CACNA1E: variants seen among roughly 807,000 people sequenced by gnomAD.
The protein encoded by CACNA1E is voltage-dependent R-type calcium channel subunit alpha-1E.
A neutral mutation model predicts 259.2 loss-of-function variants in CACNA1E; 40 were observed. The ratio of observed to expected loss-of-function variants is 0.15; its 90% CI spans 0.12 to 0.20. The LOEUF (loss-of-function observed/expected upper bound fraction) is 0.20, where lower values mean the gene tolerates loss of function less well. Ranked by LOEUF, CACNA1E falls within the 10% of genes least tolerant of loss-of-function variation. CACNA1E has a pLI of 1.00. For synonymous variants in CACNA1E, 1,104 were observed against 1,138.5 expected, an observed-to-expected ratio of 0.97 and a Z score of 0.61; for missense variants, 1,874 against 3,040.1, an observed-to-expected ratio of 0.62 and a Z score of 9.02.
chr1:181,716,012 T>A, intron 9 of CACNA1E, 28 bp from the exon 10 acceptor site: 2 of 1,512,336 alleles, frequency 1.3e-6, no homozygotes, highest in Non-Finnish European at 1.8e-6. Flanking sequence ...TTGTGGCCTC[T>A]CACTGGTCTT....
chr1:181,647,935 A>C (rs1227720291), intron 6 of CACNA1E, among the ~76,000 whole-genome samples: 1 of 152,156 alleles, frequency 6.6e-6, no homozygotes. Context: ...AGGTGTGTGA[A>C]TAACCTACAG....
At chr1:181,530,663 A>G (rs1349733866) in intron 3 of CACNA1E, among the ~76,000 whole-genome samples, 1 of 152,200 alleles carries the variant, frequency 6.6e-6, no homozygotes, top group East Asian at 1.9e-4. Context: ...CATATGTGAA[A>G]ATGTCTGGTA....
chr1:181,374,966 AG>A (rs1388167968), intron 1 of CACNA1E, among the ~76,000 whole-genome samples: 7 of 152,232 alleles, frequency 4.6e-5, no homozygotes, highest in African/African-American at 1.7e-4. Flanking sequence ...TAAATATAAA[AG>A]ATACAAAAGG....
intron 1 of CACNA1E, among the ~76,000 whole-genome samples, chr1:181,359,558 G>A (rs1251594261): frequency 2.0e-5 from 3 of 152,114 alleles, no homozygotes; most frequent in Admixed American, 6.5e-5. Context: ...CATTGTAAGC[G>A]GGTGGGCTTC....
intron 39 of CACNA1E, 91 bp from the exon 40 acceptor site, chr1:181,783,588 T>C (rs1440244818): frequency 4.9e-5 from 35 of 710,086 alleles, no homozygotes; most frequent in Non-Finnish European, 7.8e-5. Context: ...CGTCTGTGCA[T>C]TTGACCTCTA....
At chr1:181,470,977 CA>C (rs2102411595) in intron 2 of CACNA1E, among the ~76,000 whole-genome samples, 1 of 152,324 alleles carries the variant, frequency 6.6e-6, no homozygotes, top group East Asian at 1.9e-4. Context: ...ACTTATTTCT[CA>C]CAGTTACGGA....
At chr1:181,546,848 T>C (rs765609110) in intron 3 of CACNA1E, among the ~76,000 whole-genome samples, 5 of 152,158 alleles carry the variant, frequency 3.3e-5, no homozygotes, top group Admixed American at 2.0e-4. Flanking sequence ...GGGTAAGAAG[T>C]AGTGACCCAG....
chr1:181,428,072 A>C (rs1032137033), intron 2 of CACNA1E, among the ~76,000 whole-genome samples: 1 of 152,048 alleles, frequency 6.6e-6, no homozygotes, highest in Non-Finnish European at 1.5e-5. Context: ...ACATGCCTTT[A>C]GGATGTGCAC....
At chr1:181,565,280 T>C (rs1467812136) in intron 3 of CACNA1E, among the ~76,000 whole-genome samples, 5 of 152,232 alleles carry the variant, frequency 3.3e-5, no homozygotes, top group Non-Finnish European at 7.4e-5. Flanking sequence ...AGGGAAATGA[T>C]GTTTCACAAA....
intron 3 of CACNA1E, among the ~76,000 whole-genome samples, chr1:181,559,037 A>G (rs1243517936): frequency 2.0e-5 from 3 of 152,230 alleles, no homozygotes; most frequent in Non-Finnish European, 4.4e-5. Flanking sequence ...TTGAAGGACT[A>G]GCGAAGCCCT....
At position 181,617,901 on chromosome 1, in the gene CACNA1E, G is replaced by A. The variant is rs966436831; in HGVS notation, c.952-33437G>A. Among the ~76,000 whole-genome samples, 9 of 152,182 alleles carry A rather than the reference G, an allele frequency of 5.9e-5. 1 individual carries two copies. Among genetic ancestry groups the A allele is most frequent in the Non-Finnish European group, 1.0e-4 (7 of 68,034 alleles). On this transcript the variant is annotated intron_variant, in intron 6 of 47. Coordinates refer to ENST00000367573, the MANE Select transcript of CACNA1E (RefSeq NM_001205293.3). The stretch of plus-strand genomic sequence containing the variant: ...CTGCTGTTTTGTCCACATTTAGCTG[G>A]GTGAGCCCCAGAGCTGAAGGAGTTT...
At chr1:181,444,125 C>T (rs1300786869) in intron 2 of CACNA1E, among the ~76,000 whole-genome samples, 1 of 152,142 alleles carries the variant, frequency 6.6e-6, no homozygotes, top group Non-Finnish European at 1.5e-5. Flanking sequence ...CTTGGTATCT[C>T]CTCCATTGTT....
chr1:181,465,847 A>C (rs1558025365), intron 2 of CACNA1E, among the ~76,000 whole-genome samples: 2 of 152,152 alleles, frequency 1.3e-5, no homozygotes, highest in African/African-American at 4.8e-5. Flanking sequence ...TTTGATTACA[A>C]GTCATGTTTA....
At chr1:181,354,675 G>T (rs181491871) in intron 1 of CACNA1E, among the ~76,000 whole-genome samples, 1 of 152,114 alleles carries the variant, frequency 6.6e-6, no homozygotes, top group Non-Finnish European at 1.5e-5. Flanking sequence ...GTTCCCACCC[G>T]CAGAGTAGTT....
At chr1:181,680,880 A>G (rs1416193574) in intron 7 of CACNA1E, among the ~76,000 whole-genome samples, 1 of 152,174 alleles carries the variant, frequency 6.6e-6, no homozygotes, top group African/African-American at 2.4e-5. Flanking sequence ...CCCTGTTGCC[A>G]TAGGTGCTAG....
chr1:181,795,595 C>G (rs941778766), intron 46 of CACNA1E, among the ~76,000 whole-genome samples: 2 of 151,546 alleles, frequency 1.3e-5, no homozygotes, highest in Non-Finnish European at 2.9e-5. Flanking sequence ...CGCCCGCCAC[C>G]GTGCCCGGCT....
At chr1:181,702,499 C>T (rs747826726) in intron 7 of CACNA1E, among the ~76,000 whole-genome samples, 1 of 152,160 alleles carries the variant, frequency 6.6e-6, no homozygotes, top group Non-Finnish European at 1.5e-5. Context: ...ACTGACCAAT[C>T]GTTTCCCAAT....
intron 2 of CACNA1E, among the ~76,000 whole-genome samples, chr1:181,443,690 C>G (rs577915064): frequency 2.0e-5 from 3 of 152,336 alleles, no homozygotes; most frequent in South Asian, 2.1e-4. Flanking sequence ...CCCTGTTTTA[C>G]AGATAAGGTA....
intron 7 of CACNA1E, among the ~76,000 whole-genome samples, chr1:181,698,577 G>A (rs7530978): frequency 0.021 from 3,252 of 152,112 alleles, 105 homozygotes; most frequent in African/African-American, 0.073. Flanking sequence ...AGGTTTAATC[G>A]TCTTTCATGG....
Sources: gnomAD v4.1 joint callset for allele counts (sites outside exome capture counted in the v4.1 genomes callset) on GRCh38, gnomAD v4.1.1 for gene constraint, MANE v1.5 for transcripts, NCBI Gene and HGNC (gene_info 2026-07-23, HGNC 2026-07-21) for gene names.